The following MYO1D variants were observed in gnomAD, a reference collection of about 807,000 sequenced individuals.
MYO1D encodes unconventional myosin-Id.
Under a neutral mutation model 122.0 loss-of-function variants are expected in MYO1D, and 83 were observed. The observed-to-expected ratio is 0.68, with a 90% CI of 0.57 to 0.82. The LOEUF (loss-of-function observed/expected upper bound fraction) is 0.82, where lower values mean the gene tolerates loss of function less well. Ranked by LOEUF, MYO1D falls within the 40% of genes least tolerant of loss-of-function variation. The pLI, the probability that MYO1D is intolerant of heterozygous loss-of-function variation, is 0.00. For missense variants in MYO1D, 1,157 were observed against 1,269.5 expected (o/e 0.91, Z 1.35); for synonymous variants, 464 against 446.9 (o/e 1.04, Z -0.48).
At chr17:32,678,255 T>TC (rs1567944288) in intron 16 of MYO1D, among the ~76,000 whole-genome samples, 1 of 20,058 alleles carries the variant, frequency 5.0e-5, no homozygotes, top group Non-Finnish European at 1.8e-4. Context: ...AATATATTTC[T>TC]TTTTTTTTTT....
intron 21 of MYO1D, among the ~76,000 whole-genome samples, chr17:32,564,168 G>A (rs138639889): frequency 2.5e-4 from 38 of 152,350 alleles, no homozygotes; most frequent in African/African-American, 7.9e-4. Flanking sequence ...AGCCCTGCCT[G>A]GGGGCAGTAA....
chr17:32,646,845 A>T (rs2088301724), intron 19 of MYO1D, among the ~76,000 whole-genome samples: 1 of 152,200 alleles, frequency 6.6e-6, no homozygotes, highest in Admixed American at 6.5e-5. Flanking sequence ...AAAGCCTCAG[A>T]TTGCATAATT....
rs1567890304 is a variant in MYO1D, at chr17:32,560,556, T to TATATATATATATATATAC, written c.2864+44530_2864+44531insGTATATATATATATATAT. 4.3e-4 allele frequency among the ~76,000 whole-genome samples: 49 copies of TATATATATATATATATAC among 114,104 alleles called. 1 individual carries two copies. The highest frequency in any genetic ancestry group is 8.3e-4 in the Non-Finnish European group (43 of 51,662). 74.9% of individuals were successfully genotyped at this position (114,104 alleles called of 152,430 possible). On this transcript the variant is annotated intron_variant, in intron 21 of 21. Coordinates refer to ENST00000318217, the MANE Select transcript of MYO1D (RefSeq NM_015194.3). ...ATATATATATATATATATATATATA[T>TATATATATATATATATAC]ATATATATATATATATATATAACTT...
At chr17:32,836,019 A>G (rs2090818914) in intron 1 of MYO1D, among the ~76,000 whole-genome samples, 1 of 152,238 alleles carries the variant, frequency 6.6e-6, no homozygotes, top group Non-Finnish European at 1.5e-5. Flanking sequence ...TAAGCTAAAA[A>G]TAGGAAGAAA....
intron 21 of MYO1D, among the ~76,000 whole-genome samples, chr17:32,566,732 T>A (rs966615690): frequency 7.3e-5 from 11 of 150,502 alleles, no homozygotes; most frequent in African/African-American, 2.5e-4. Flanking sequence ...TCACAGGGAG[T>A]GCTAGAACTT....
intron 1 of MYO1D, among the ~76,000 whole-genome samples, chr17:32,838,475 A>G (rs1320946446): frequency 2.0e-5 from 3 of 152,190 alleles, no homozygotes; most frequent in African/African-American, 4.8e-5. Context: ...AAAACAGGGA[A>G]CGAGACATAG....
chr17:32,707,638 T>C (rs2089325286), intron 16 of MYO1D, among the ~76,000 whole-genome samples: 1 of 152,240 alleles, frequency 6.6e-6, no homozygotes, highest in Non-Finnish European at 1.5e-5. Context: ...GGTCCTTGGC[T>C]GGTGTCTGGG....
chr17:32,537,105 T>C (rs1910686298), intron 21 of MYO1D, among the ~76,000 whole-genome samples: 1 of 152,222 alleles, frequency 6.6e-6, no homozygotes, highest in South Asian at 2.1e-4. Context: ...AGATGACCTA[T>C]ATTAATGACA....
chr17:32,838,613 G>A (rs569813808), intron 1 of MYO1D, among the ~76,000 whole-genome samples: 7 of 152,200 alleles, frequency 4.6e-5, no homozygotes, highest in Admixed American at 4.6e-4. Context: ...AGATCACACA[G>A]GATATTAAAG....
rs558546246 is a variant in MYO1D, at chr17:32,766,779, G to A, written c.831+857C>T. On this transcript the variant is annotated intron_variant, in intron 7 of 21. Coordinates refer to ENST00000318217, the MANE Select transcript of MYO1D (RefSeq NM_015194.3). ...TGCACTCCAGCCTGGGTGACAGAGC[G>A]AGATTCCATCTCAAAAAGAAAACAA... Among the ~76,000 whole-genome samples, 4 of 149,072 alleles carry A rather than the reference G, an allele frequency of 2.7e-5. No homozygotes were observed. In the South Asian group the frequency reaches 6.3e-4, roughly 24 times the overall value.
chr17:32,873,949 C>G (rs1028550828), intron 1 of MYO1D, among the ~76,000 whole-genome samples: 1 of 152,156 alleles, frequency 6.6e-6, no homozygotes, highest in Non-Finnish European at 1.5e-5. Flanking sequence ...TCCACAACAC[C>G]AACCCCTTCC....
chr17:32,720,301 G>A (rs541761200), intron 15 of MYO1D, among the ~76,000 whole-genome samples: 2 of 152,210 alleles, frequency 1.3e-5, no homozygotes, highest in Admixed American at 1.3e-4. Context: ...CACTTATTGA[G>A]TGATTACTTT....
intron 16 of MYO1D, among the ~76,000 whole-genome samples, chr17:32,668,616 A>G (rs186646557): frequency 4.6e-5 from 7 of 152,350 alleles, no homozygotes; most frequent in African/African-American, 7.2e-5. Context: ...TCCAATTTCA[A>G]TAAGTTTGGA....
chr17:32,500,695 G>A (rs995121904), intron 21 of MYO1D, among the ~76,000 whole-genome samples: 1 of 152,218 alleles, frequency 6.6e-6, no homozygotes, highest in African/African-American at 2.4e-5. Context: ...GCCATCAGCA[G>A]ATAACGAAGT....
At chr17:32,723,389 T>C (rs931429848) in intron 14 of MYO1D, among the ~76,000 whole-genome samples, 1 of 152,176 alleles carries the variant, frequency 6.6e-6, no homozygotes, top group Non-Finnish European at 1.5e-5. Flanking sequence ...GTAGGACACT[T>C]AGCTGATGTT....
intron 1 of MYO1D, among the ~76,000 whole-genome samples, chr17:32,850,477 A>G (rs1372240308): frequency 1.3e-5 from 2 of 152,202 alleles, no homozygotes; most frequent in African/African-American, 4.8e-5. Context: ...ATTGTATTTG[A>G]TATTAATTTT....
At chr17:32,830,267 A>G (rs1261964143) in intron 1 of MYO1D, 4 of 152,240 alleles carry the variant, frequency 2.6e-5, no homozygotes, top group Non-Finnish European at 5.9e-5. Flanking sequence ...GAGTAGAATA[A>G]GGAGTTTGAT....
At chr17:32,558,573 C>G (rs1170516194) in intron 21 of MYO1D, among the ~76,000 whole-genome samples, 1 of 152,148 alleles carries the variant, frequency 6.6e-6, no homozygotes, top group Admixed American at 6.5e-5. Flanking sequence ...CAGAAATGTT[C>G]TTTCTTTTCA....
chr17:32,573,751 C>T (rs902495951), intron 21 of MYO1D, among the ~76,000 whole-genome samples: 4 of 152,192 alleles, frequency 2.6e-5, no homozygotes, highest in African/African-American at 7.2e-5. Context: ...TCTTGAACTC[C>T]TGGCCTCAAG....
Sources: gnomAD v4.1 joint callset for allele counts (sites outside exome capture counted in the v4.1 genomes callset) on GRCh38, gnomAD v4.1.1 for gene constraint, MANE v1.5 for transcripts, NCBI Gene and HGNC (gene_info 2026-07-23, HGNC 2026-07-21) for gene names.